The following DNA2 variants were observed in gnomAD, a reference collection of about 807,000 sequenced individuals.
DNA2 encodes the protein DNA replication helicase/nuclease 2.
Under a neutral mutation model 119.1 loss-of-function variants are expected in DNA2, and 101 were observed. The ratio of observed to expected loss-of-function variants is 0.85; its 90% CI spans 0.72 to 1.00. The LOEUF (loss-of-function observed/expected upper bound fraction) is 1.00. Ranked by LOEUF, DNA2 falls within the 50% of genes least tolerant of loss-of-function variation. DNA2 has a pLI of 0.00. For missense variants in DNA2, 1,121 were observed against 1,255.5 expected, an observed-to-expected ratio of 0.89 and a Z score of 1.62; for synonymous variants, 366 against 424.4, an observed-to-expected ratio of 0.86 and a Z score of 1.69.
chr10:68,446,257 G>T (rs763044846), intron 7 of DNA2, 39 bp downstream of exon 7: 13 of 1,105,646 alleles, frequency 1.2e-5, no homozygotes, highest in Non-Finnish European at 1.7e-5. Context: ...AAGTGGGGGG[G>T]TGGGCAAAGA....
In DNA2 at chr10:68,463,059, G is replaced by A. The variant is rs185240365; in HGVS notation, c.587+2608C>T. On this transcript the variant is annotated intron_variant, in intron 4 of 20. Transcript: ENST00000358410. ...AGGCAGGAGAACCACTTGAACCTGG[G>A]AGACAGAGGTTGCAATGAGCCGAGA... Among the ~76,000 whole-genome samples the A allele has an allele frequency of 4.0e-3, 604 of 152,016 alleles. 9 individuals carry two copies. Among genetic ancestry groups the A allele is most frequent in the African/African-American group, 0.014 (583 of 41,446 alleles).
intron 9 of DNA2, among the ~76,000 whole-genome samples, chr10:68,442,264 G>A (rs1028144687): frequency 5.3e-5 from 8 of 151,696 alleles, no homozygotes; most frequent in African/African-American, 1.9e-4. Flanking sequence ...TGTCACCCAG[G>A]TTGAAGTGCA....
Position 68,450,113 on chromosome 10 carries a change from T to C in DNA2, c.854A>G (p.His285Arg), listed in dbSNP as rs1261029736. Reference sequence around the variant, plus strand: ...CTTGTATTTTGTTTTATACCCTCGATGTATTTTCACACCAACTGTAACATC... The same window carrying C: ...CTTGTATTTTGTTTTATACCCTCGACGTATTTTCACACCAACTGTAACATC... ...KIDVTVGVKI[H>R]RGYKTKYKIM... Residue 285 changes from histidine (H) to arginine (R), a missense_variant, in exon 6 of 21, where the codon CAT (histidine) becomes CGT (arginine). Transcript: ENST00000358410. 25 of 1,605,544 alleles carry C rather than the reference T, an allele frequency of 1.6e-5. No individual in the cohort carries two copies. Among genetic ancestry groups the C allele is most frequent in the African/African-American group, 4.0e-5 (3 of 74,868 alleles).
intron 19 of DNA2, 31 bp downstream of exon 19, chr10:68,419,003 A>G (rs376897281): frequency 1.0e-4 from 157 of 1,550,278 alleles, no homozygotes; most frequent in Non-Finnish European, 1.3e-4. Flanking sequence ...AAATGCCCCA[A>G]ATGAATCAGT....
At chr10:68,430,179 C>A (rs886165886) in intron 14 of DNA2, among the ~76,000 whole-genome samples, 1 of 152,126 alleles carries the variant, frequency 6.6e-6, no homozygotes, top group Admixed American at 6.6e-5. Flanking sequence ...GCCATCGCAC[C>A]TGGCTGAAAC....
At chr10:68,449,284 T>G (rs1176246027) in intron 6 of DNA2, among the ~76,000 whole-genome samples, 1 of 152,184 alleles carries the variant, frequency 6.6e-6, no homozygotes, top group African/African-American at 2.4e-5. Context: ...GGTTATAATT[T>G]AGCCAAGTAT....
chr10:68,452,996 G>A (rs2052140290), intron 5 of DNA2, among the ~76,000 whole-genome samples: 3 of 151,670 alleles, frequency 2.0e-5, no homozygotes, highest in Non-Finnish European at 2.9e-5. Flanking sequence ...CACCTCCCGG[G>A]TTCAAGCAAC....
intron 17 of DNA2, among the ~76,000 whole-genome samples, chr10:68,421,618 T>C (rs2051665847): frequency 1.3e-5 from 2 of 151,766 alleles, no homozygotes; most frequent in East Asian, 3.9e-4. Flanking sequence ...TCTGGTGTGG[T>C]GGTGGGTGCC....
At chr10:68,436,914 TA>T in intron 10 of DNA2, 96 bp downstream of exon 10, 1 of 997,152 alleles carries the variant, frequency 1.0e-6, no homozygotes, top group Non-Finnish European at 1.5e-6. Context: ...GTGAATATAC[TA>T]AAAACCAGCG....
At chr10:68,449,016 C>T (rs2052083287) in intron 6 of DNA2, among the ~76,000 whole-genome samples, 1 of 150,456 alleles carries the variant, frequency 6.6e-6, no homozygotes, top group Non-Finnish European at 1.5e-5. Flanking sequence ...CCAGGCTGGT[C>T]TCAAACTCCC....
chr10:68,430,316 A>G lies in DNA2; in HGVS notation c.2208+120T>C. 6 of 695,892 alleles carry G rather than the reference A, an allele frequency of 8.6e-6. No individual in the cohort carries two copies. In the South Asian group the frequency reaches 1.1e-4, roughly 13 times the overall value. 43.1% of individuals were successfully genotyped at this position (695,892 alleles called of 1,614,324 possible). A position where few individuals can be genotyped will look rare whatever the true frequency, so the allele number is the denominator to read the frequency against. On this transcript the variant is annotated intron_variant, in intron 14 of 20. Transcript: ENST00000358410. Reference sequence around the variant, plus strand: ...AGTTAATAAACTGGTCGTATAGTACATATAAATTAATCATGTGCAAATCCA... The same window carrying G: ...AGTTAATAAACTGGTCGTATAGTACGTATAAATTAATCATGTGCAAATCCA...
Position 68,446,372 on chromosome 10 carries a change from A to T in DNA2, c.981T>A (p.Asp327Glu). Reference sequence around the variant, plus strand: ...GGTAGAGAAGCAAGCCAGCCTCTGGATCAGCTCTTCTCTCTTGGCTTAGTA... The same window carrying T: ...GGTAGAGAAGCAAGCCAGCCTCTGGTTCAGCTCTTCTCTCTTGGCTTAGTA... ...YTLLSQERRA[D>E]PEAGLLLYLK... is the part of the protein sequence containing the mutation. The change falls in exon 7 of 21, where the codon GAT (aspartate) becomes GAA (glutamate). Residue 327 changes from aspartate to glutamate, a missense_variant. Coordinates refer to ENST00000358410, the MANE Select transcript of DNA2 (RefSeq NM_001080449.3). 6.3e-7 allele frequency: 1 copy of T among 1,597,588 alleles called. No homozygotes were observed. Among genetic ancestry groups the T allele is most frequent in the Non-Finnish European group, 8.5e-7 (1 of 1,171,698 alleles).
At chr10:68,466,648 T>C (rs2052330579) in intron 3 of DNA2, among the ~76,000 whole-genome samples, 1 of 151,726 alleles carries the variant, frequency 6.6e-6, no homozygotes, top group African/African-American at 2.4e-5. Flanking sequence ...GCGCGACTTT[T>C]GCTCACTGCA....
chr10:68,430,380 C>T, intron 14 of DNA2, 56 bp downstream of exon 14: 1 of 1,283,636 alleles, frequency 7.8e-7, no homozygotes. Context: ...AGTTTCTCCC[C>T]TCATTCTGGC....
intron 19 of DNA2, 64 bp from the exon 20 acceptor site, chr10:68,416,919 T>G: frequency 7.1e-7 from 1 of 1,410,834 alleles, no homozygotes; most frequent in Non-Finnish European, 9.7e-7. Flanking sequence ...TTACAACACA[T>G]CCCTACACAA....
upstream of DNA2, chr10:68,472,003 T>C (rs752776716): frequency 1.9e-6 from 3 of 1,610,038 alleles, no homozygotes; most frequent in South Asian, 3.3e-5. Context: ...CCAAATGACC[T>C]GCGCCAGGCC....
intron 9 of DNA2, among the ~76,000 whole-genome samples, chr10:68,439,362 C>G (rs1446869159): frequency 6.6e-6 from 1 of 151,738 alleles, no homozygotes; most frequent in Non-Finnish European, 1.5e-5. Flanking sequence ...AGATTACTCC[C>G]CAGCCTGGGG....
At chr10:68,435,824 G>T (rs906288009) in intron 10 of DNA2, among the ~76,000 whole-genome samples, 2 of 152,048 alleles carry the variant, frequency 1.3e-5, no homozygotes, top group Non-Finnish European at 1.5e-5. Flanking sequence ...AACTATAAAT[G>T]GGAAAAATAA....
intron 6 of DNA2, among the ~76,000 whole-genome samples, chr10:68,448,974 TG>T: frequency 7.0e-6 from 1 of 142,842 alleles, no homozygotes; most frequent in African/African-American, 2.7e-5. Context: ...TGTGCGTGTG[TG>T]TGTGTGTGTG....
Sources: allele counts gnomAD v4.1 joint callset (sites outside exome capture counted in the v4.1 genomes callset), GRCh38; gene constraint gnomAD v4.1.1; transcripts MANE v1.5; gene names NCBI Gene and HGNC (gene_info 2026-07-23, HGNC 2026-07-21).